Variants in UMAD1 observed in about 807,000 individuals in gnomAD.
UMAD1 encodes the protein UBAP1-MVB12-associated (UMA) domain containing 1, also known as UBAP1-MVB12-associated (UMA)-domain containing protein 1.
In UMAD1, 8 loss-of-function variants were observed where a neutral mutation model predicts 6.1. The ratio of observed to expected loss-of-function variants is 1.30; its 90% CI spans 0.76 to 2.35. The LOEUF (loss-of-function observed/expected upper bound fraction) is 2.35, where lower values mean the gene tolerates loss of function less well. UMAD1 is among the 30% of genes most tolerant of loss of function. The pLI, the probability that UMAD1 is intolerant of heterozygous loss-of-function variation, is 0.00. For synonymous variants in UMAD1, 56 were observed against 31.4 expected (o/e 1.78, Z -2.61); for missense variants, 130 against 78.4 (o/e 1.66, Z -2.49).
intron 1 of UMAD1, among the ~76,000 whole-genome samples, chr7:7,652,744 G>A (rs1785251373): frequency 6.6e-6 from 1 of 152,212 alleles, no homozygotes; most frequent in African/African-American, 2.4e-5. Context: ...ATTAAATAGT[G>A]AACAAACAAA....
chr7:7,861,543 T>C (rs1583879771), intron 3 of UMAD1, among the ~76,000 whole-genome samples: 1 of 152,256 alleles, frequency 6.6e-6, no homozygotes, highest in East Asian at 1.9e-4. Flanking sequence ...GTGCAGCAAG[T>C]GTGAGTAACA....
At chr7:7,766,328 A>G (rs1781984979) in intron 2 of UMAD1, among the ~76,000 whole-genome samples, 1 of 152,220 alleles carries the variant, frequency 6.6e-6, no homozygotes, top group Non-Finnish European at 1.5e-5. Flanking sequence ...ATATTAGGAA[A>G]TAAAACTTCT....
In UMAD1 at chr7:7,704,766, CAAAAAAAAAAAA is replaced by C. The variant is rs71011001; in HGVS notation, c.82+31329_82+31340del. 5.0e-4 allele frequency among the ~76,000 whole-genome samples: 9 copies of C among 17,854 alleles called. 1 individual carries two copies. The highest frequency in any genetic ancestry group is 1.9e-3 in the African/African-American group (9 of 4,808). The allele number at this position is 17,854 out of a possible 152,430, so 11.7% of individuals were successfully genotyped here. On this transcript the variant is annotated intron_variant, in intron 2 of 3. Coordinates refer to ENST00000682710, the MANE Select transcript of UMAD1 (RefSeq NM_001302348.2). Reference sequence around the variant, plus strand: ...TGGGTGACAGAGCGAGACTCCATCTCAAAAAAAAAAAAAAAAAAAAAAAAAAAGACTTGCTTC... The same window carrying C: ...TGGGTGACAGAGCGAGACTCCATCTCAAAAAAAAAAAAAAAGACTTGCTTC...
At chr7:7,768,583 G>A (rs1782039210) in intron 2 of UMAD1, among the ~76,000 whole-genome samples, 1 of 151,950 alleles carries the variant, frequency 6.6e-6, no homozygotes. Flanking sequence ...CTCCTGCTCT[G>A]GAGGAATTGC....
At chr7:7,722,281 A>G (rs1211836777) in intron 2 of UMAD1, among the ~76,000 whole-genome samples, 1 of 151,834 alleles carries the variant, frequency 6.6e-6, no homozygotes, top group Non-Finnish European at 1.5e-5. Context: ...GAGTGGTTCT[A>G]GAGGAACAGA....
Position 7,878,321 on chromosome 7 carries a change from AT to A in UMAD1, c.*786del, listed in dbSNP as rs564527082. The A allele has an allele frequency of 4.9e-4, 75 of 152,312 alleles. No individual in the cohort carries two copies. The highest frequency in any genetic ancestry group is 1.7e-3 in the African/African-American group (72 of 41,546). 9.4% of individuals were successfully genotyped at this position (152,312 alleles called of 1,614,324 possible). On this transcript the variant is annotated 3_prime_UTR_variant, in exon 4 of 4. Coordinates refer to ENST00000682710, the MANE Select transcript of UMAD1 (RefSeq NM_001302348.2). ...GTTCCCAGTTTATGAAGAGATCCAC[AT>A]TTCCTTTCAACCCCTCTGCCTCCTG...
At chr7:7,794,259 G>C (rs887147669) in intron 2 of UMAD1, among the ~76,000 whole-genome samples, 1 of 152,264 alleles carries the variant, frequency 6.6e-6, no homozygotes, top group East Asian at 1.9e-4. Context: ...GGGCTCAAGG[G>C]CATGCCAATA....
At chr7:7,848,299 C>T (rs994304344) in intron 3 of UMAD1, among the ~76,000 whole-genome samples, 2 of 152,176 alleles carry the variant, frequency 1.3e-5, no homozygotes, top group African/African-American at 4.8e-5. Flanking sequence ...TAAAATGACA[C>T]ATGATTAATG....
chr7:7,674,312 C>G (rs1779685295), intron 2 of UMAD1, among the ~76,000 whole-genome samples: 1 of 152,210 alleles, frequency 6.6e-6, no homozygotes. Flanking sequence ...CCCCATCAGA[C>G]TGGCATCTGC....
chr7:7,643,625 T>C (rs868443462), intron 1 of UMAD1, among the ~76,000 whole-genome samples: 7 of 150,480 alleles, frequency 4.7e-5, no homozygotes, highest in Admixed American at 1.3e-4. Context: ...GGCAGGAGAA[T>C]GGCGTGAACC....
intron 3 of UMAD1, among the ~76,000 whole-genome samples, chr7:7,827,147 A>ATGTGTGTGTGTGTGTGTGTGTG (rs60211625): frequency 1.5e-5 from 2 of 134,146 alleles, no homozygotes; most frequent in African/African-American, 2.9e-5. Context: ...ATATATATAT[A>ATGTGTGTGTGTGTGTGTGTGTG]TGTGTGTGTG....
chr7:7,697,632 T>C (rs1034483216), intron 2 of UMAD1, among the ~76,000 whole-genome samples: 7 of 152,230 alleles, frequency 4.6e-5, no homozygotes, highest in African/African-American at 1.7e-4. Flanking sequence ...TTTTTATTTT[T>C]TTAAGCTGAT....
At position 7,742,655 on chromosome 7, in the gene UMAD1, C is replaced by T. The variant is rs150933369; in HGVS notation, c.83-59015C>T. ...AAAGAACCATAATTTTCAAGTGATT[C>T]TTCATGATTGCCAACTAAGAATAAA... On this transcript the variant is annotated intron_variant, in intron 2 of 3. Transcript: ENST00000682710. The T allele has an allele frequency of 3.2e-3, 969 of 307,034 alleles. 15 individuals are homozygous for T. The highest frequency in any genetic ancestry group is 0.02 in the African/African-American group (916 of 45,152). 19.0% of individuals were successfully genotyped at this position (307,034 alleles called of 1,614,324 possible).
At chr7:7,750,533 C>T (rs948558153) in intron 2 of UMAD1, among the ~76,000 whole-genome samples, 26 of 152,222 alleles carry the variant, frequency 1.7e-4, no homozygotes, top group East Asian at 1.2e-3. Context: ...TCTTTAATGA[C>T]GGCCCATTTT....
chr7:7,649,549 T>A (rs979255274), intron 1 of UMAD1, among the ~76,000 whole-genome samples: 2 of 152,230 alleles, frequency 1.3e-5, no homozygotes, highest in African/African-American at 4.8e-5. Flanking sequence ...GTCAGTTTTT[T>A]GCTTCCTATG....
intron 2 of UMAD1, among the ~76,000 whole-genome samples, chr7:7,798,531 A>G (rs374489082): frequency 6.6e-6 from 1 of 152,230 alleles, no homozygotes; most frequent in East Asian, 1.9e-4. Flanking sequence ...TTGAAAAGGG[A>G]AGAAAACAGA....
chr7:7,677,664 G>GTTTTTTTT (rs141602455), intron 2 of UMAD1, among the ~76,000 whole-genome samples: 28 of 113,494 alleles, frequency 2.5e-4, no homozygotes, highest in African/African-American at 3.9e-4. Flanking sequence ...CTGTTTTTTT[G>GTTTTTTTT]TTTTTTTTTT....
At chr7:7,703,971 G>T (rs1035852310) in intron 2 of UMAD1, among the ~76,000 whole-genome samples, 14 of 151,870 alleles carry the variant, frequency 9.2e-5, no homozygotes, top group African/African-American at 2.7e-4. Flanking sequence ...AGGAAGGGAA[G>T]GAGGGAAGGG....
intron 3 of UMAD1, among the ~76,000 whole-genome samples, chr7:7,860,487 G>A (rs995361969): frequency 8.6e-5 from 13 of 151,390 alleles, no homozygotes; most frequent in Admixed American, 2.0e-4. Flanking sequence ...CTGGCCGAGC[G>A]TGGTGGCTTA....
Sources: allele counts gnomAD v4.1 joint callset (sites outside exome capture counted in the v4.1 genomes callset), GRCh38; gene constraint gnomAD v4.1.1; transcripts MANE v1.5; gene names NCBI Gene and HGNC (gene_info 2026-07-23, HGNC 2026-07-21).